ERG: variants seen among roughly 807,000 people sequenced by gnomAD.
ERG encodes the protein transcriptional regulator ERG.
Under a neutral mutation model 55.3 loss-of-function variants are expected in ERG, and 9 were observed. That is an observed-to-expected ratio of 0.16 (90% CI 0.10 to 0.28). The LOEUF is 0.28. ERG is among the 10% of genes least tolerant of loss of function. The probability of loss-of-function intolerance (pLI) is 1.00; values close to 1 mark genes in which losing one functional copy is unlikely to be tolerated. For synonymous variants in ERG, 223 were observed against 237.3 expected, an observed-to-expected ratio of 0.94 and a Z score of 0.55; for missense variants, 434 against 631.6, an observed-to-expected ratio of 0.69 and a Z score of 3.35.
chr21:38,477,190 T>C (rs1484463691), intron 1 of ERG, among the ~76,000 whole-genome samples: 1 of 152,106 alleles, frequency 6.6e-6, no homozygotes, highest in African/African-American at 2.4e-5. Flanking sequence ...ATTTTTCTGT[T>C]TTTTGTAGAG....
At chr21:38,442,359 C>T (rs1407817526) in intron 2 of ERG, among the ~76,000 whole-genome samples, 1 of 152,168 alleles carries the variant, frequency 6.6e-6, no homozygotes, top group African/African-American at 2.4e-5. Context: ...CGTGCCACTT[C>T]CCTGCAGCCT....
intron 1 of ERG, among the ~76,000 whole-genome samples, chr21:38,631,584 A>T (rs560118742): frequency 3.5e-4 from 53 of 152,170 alleles, no homozygotes; most frequent in Non-Finnish European, 6.5e-4. Flanking sequence ...CCTCCCTTTT[A>T]CTACTTTCCT....
At chr21:38,538,411 G>A (rs1339529430) in intron 2 of ERG, among the ~76,000 whole-genome samples, 1 of 152,002 alleles carries the variant, frequency 6.6e-6, no homozygotes, top group African/African-American at 2.4e-5. Flanking sequence ...CCTGGGTCTA[G>A]TTGGTTCTCC....
chr21:38,569,862 CT>C lies in ERG; in HGVS notation c.-41+5799del, dbSNP rs564253160. Among the ~76,000 whole-genome samples the C allele has an allele frequency of 2.3e-4, 35 of 152,150 alleles. No individual in the cohort carries two copies. The South Asian group carries it at 6.6e-3, about 29-fold the overall frequency. Reference sequence around the variant, plus strand: ...GAATCATATTGTATGTAATCTGTGACTTTTTTCTACTCACATATGAGAACCA... The same window carrying C: ...GAATCATATTGTATGTAATCTGTGACTTTTTCTACTCACATATGAGAACCA... On this transcript the variant is annotated intron_variant, in intron 2 of 8. Transcript: ENST00000398897.
intron 2 of ERG, among the ~76,000 whole-genome samples, chr21:38,442,554 T>C (rs959322155): frequency 8.5e-5 from 13 of 152,178 alleles, no homozygotes; most frequent in African/African-American, 2.7e-4. Flanking sequence ...GGGGCGGAAC[T>C]GCCCTGGTGT....
chr21:38,486,356 C>T (rs2059285603), intron 1 of ERG, among the ~76,000 whole-genome samples: 1 of 152,234 alleles, frequency 6.6e-6, no homozygotes, highest in Admixed American at 6.5e-5. Flanking sequence ...CCTAGGAGCA[C>T]AGGCTACACT....
chr21:38,604,400 T>G (rs377694781), intron 1 of ERG, among the ~76,000 whole-genome samples: 1 of 152,190 alleles, frequency 6.6e-6, no homozygotes, highest in African/African-American at 2.4e-5. Flanking sequence ...ATGTACAGTA[T>G]GATTACAATA....
chr21:38,507,904 G>A (rs909577405), intron 2 of ERG, among the ~76,000 whole-genome samples: 1 of 24,946 alleles, frequency 4.0e-5, no homozygotes, highest in African/African-American at 2.0e-4. Context: ...GATGACAGCT[G>A]GGACTTAAGT....
Position 38,596,786 on chromosome 21 carries a change from A to C in ERG, c.-149-11841T>G, listed in dbSNP as rs368932641. Among the ~76,000 whole-genome samples the C allele has an allele frequency of 1.1e-4, 16 of 152,326 alleles. No homozygotes were observed. The South Asian group carries it at 1.9e-3, about 18-fold the overall frequency. On this transcript the variant is annotated intron_variant, in intron 1 of 10. Transcript: ENST00000398910. ...GGCCTTCTTGAGAAGACTGAAGAACATGGTTGGTTTCAGGCTGAGCTGGAA... is the reference window on the plus strand; with the variant it reads ...GGCCTTCTTGAGAAGACTGAAGAACCTGGTTGGTTTCAGGCTGAGCTGGAA...
chr21:38,390,466 A>G (rs914305112), intron 9 of ERG, among the ~76,000 whole-genome samples: 3 of 152,240 alleles, frequency 2.0e-5, no homozygotes. Context: ...TAAATGAGGT[A>G]ATCAAGTTAT....
At chr21:38,487,948 A>G (rs1428306273) in intron 1 of ERG, among the ~76,000 whole-genome samples, 2 of 152,222 alleles carry the variant, frequency 1.3e-5, no homozygotes. Flanking sequence ...AATCACTAGA[A>G]TATATTCGTG....
chr21:38,522,214 T>C (rs2059600137), intron 2 of ERG, among the ~76,000 whole-genome samples: 2 of 152,170 alleles, frequency 1.3e-5, no homozygotes, highest in Non-Finnish European at 2.9e-5. Context: ...TATATAAGTT[T>C]TGACAAGATC....
intron 1 of ERG, among the ~76,000 whole-genome samples, chr21:38,634,780 A>G (rs1215709479): frequency 6.6e-6 from 1 of 152,242 alleles, no homozygotes; most frequent in Non-Finnish European, 1.5e-5. Context: ...TAGAATCTCA[A>G]TAATGATTAC....
At chr21:38,517,047 G>C (rs1306072572) in intron 2 of ERG, among the ~76,000 whole-genome samples, 1 of 152,060 alleles carries the variant, frequency 6.6e-6, no homozygotes, top group African/African-American at 2.4e-5. Flanking sequence ...TCAGGACATT[G>C]ATCTAAGCAA....
chr21:38,582,768 AC>A (rs1468003602), intron 1 of ERG, among the ~76,000 whole-genome samples: 4 of 151,718 alleles, frequency 2.6e-5, no homozygotes, highest in Non-Finnish European at 5.9e-5. Flanking sequence ...TTTTTTTGAG[AC>A]GGAGTCTTGC....
At chr21:38,648,439 T>G (rs190343295) in intron 1 of ERG, among the ~76,000 whole-genome samples, 343 of 152,296 alleles carry the variant, frequency 2.3e-3, no homozygotes, top group Non-Finnish European at 3.8e-3. Flanking sequence ...AAAATAACTT[T>G]GCAACAATCT....
intron 2 of ERG, among the ~76,000 whole-genome samples, chr21:38,505,279 C>T (rs1000022187): frequency 4.6e-5 from 7 of 152,150 alleles, no homozygotes; most frequent in Admixed American, 6.5e-5. Context: ...TCTGTCTCAG[C>T]GCAGTAACTG....
chr21:38,557,770 G>C lies in ERG; in HGVS notation c.-41+17892C>G, dbSNP rs968954064. ...CCCTGGATTTCTCAAAAGACTCTTA[G>C]AATGTTCTGGGTATGACTTTGGGGG... is the stretch of plus-strand genomic sequence containing the variant. On this transcript the variant is annotated intron_variant, in intron 2 of 8. Coordinates refer to the ERG transcript ENST00000398897. Among the ~76,000 whole-genome samples the C allele has an allele frequency of 4.2e-4, 64 of 152,046 alleles. 2 individuals are homozygous for C. Among genetic ancestry groups the C allele is most frequent in the Non-Finnish European group, 1.9e-4 (13 of 68,022 alleles).
intron 1 of ERG, among the ~76,000 whole-genome samples, chr21:38,659,631 A>C (rs910165168): frequency 8.5e-5 from 13 of 152,286 alleles, no homozygotes; most frequent in African/African-American, 3.1e-4. Flanking sequence ...GAACTACAAA[A>C]GCTATAGAGA....
Sources: allele counts gnomAD v4.1 joint callset (sites outside exome capture counted in the v4.1 genomes callset), GRCh38; gene constraint gnomAD v4.1.1; transcripts MANE v1.5; gene names NCBI Gene and HGNC (gene_info 2026-07-23, HGNC 2026-07-21).